The following SLC39A10 variants were observed in gnomAD, a reference collection of about 807,000 sequenced individuals.
The protein encoded by SLC39A10 is zinc transporter ZIP10.
SLC39A10 carries 13 observed loss-of-function variants against 65.1 expected under a neutral mutation model. That is an observed-to-expected ratio of 0.20 (90% CI 0.13 to 0.32). The LOEUF is 0.32. Ranked by LOEUF, SLC39A10 falls within the 10% of genes least tolerant of loss-of-function variation. The probability of loss-of-function intolerance (pLI) is 1.00; values close to 1 mark genes in which losing one functional copy is unlikely to be tolerated. For synonymous variants in SLC39A10, 321 were observed against 342.2 expected (o/e 0.94, Z 0.68); for missense variants, 831 against 1,018.4 (o/e 0.82, Z 2.50).
At chr2:195,625,082 T>C (rs1688439181) in intron 2 of SLC39A10, among the ~76,000 whole-genome samples, 1 of 147,978 alleles carries the variant, frequency 6.8e-6, no homozygotes, top group Non-Finnish European at 1.5e-5. Flanking sequence ...CCGGGCGTGG[T>C]GGCGGGCGCC....
At chr2:195,692,249 C>G (rs1345426804) in intron 3 of SLC39A10, among the ~76,000 whole-genome samples, 2 of 152,096 alleles carry the variant, frequency 1.3e-5, no homozygotes, top group Non-Finnish European at 2.9e-5. Flanking sequence ...TGGCTATGGC[C>G]TTATAGCATA....
intron 1 of SLC39A10, among the ~76,000 whole-genome samples, chr2:195,664,002 C>T (rs1024898804): frequency 2.0e-5 from 3 of 151,822 alleles, no homozygotes; most frequent in African/African-American, 7.3e-5. Flanking sequence ...ATGTATATAA[C>T]ATCTTATGAA....
intron 3 of SLC39A10, among the ~76,000 whole-genome samples, chr2:195,704,462 C>T (rs1474953648): frequency 6.6e-6 from 1 of 152,080 alleles, no homozygotes; most frequent in Non-Finnish European, 1.5e-5. Context: ...ATGATTGGAT[C>T]TAGAGAGCTG....
At chr2:195,615,639 C>T (rs1226649754) in intron 2 of SLC39A10, among the ~76,000 whole-genome samples, 1 of 152,242 alleles carries the variant, frequency 6.6e-6, no homozygotes, top group Middle Eastern at 3.4e-3. Flanking sequence ...CATTTATCTC[C>T]GTTTCCTCTT....
chr2:195,662,608 AAC>A (rs1399041178), intron 1 of SLC39A10, among the ~76,000 whole-genome samples: 2 of 152,204 alleles, frequency 1.3e-5, no homozygotes, highest in Non-Finnish European at 2.9e-5. Flanking sequence ...AATAAAAAGA[AAC>A]AATTTCAGAT....
intron 8 of SLC39A10, among the ~76,000 whole-genome samples, chr2:195,720,325 C>G (rs137931950): frequency 8.3e-4 from 127 of 152,290 alleles, no homozygotes; most frequent in African/African-American, 3.0e-3. Context: ...TCTCCACATG[C>G]AATACTACTT....
intron 9 of SLC39A10, among the ~76,000 whole-genome samples, chr2:195,733,212 C>G (rs1375346160): frequency 6.6e-6 from 1 of 152,158 alleles, no homozygotes; most frequent in African/African-American, 2.4e-5. Context: ...ACCCAAATCA[C>G]CAAGATACTG....
intron 2 of SLC39A10, among the ~76,000 whole-genome samples, chr2:195,621,594 C>A (rs536944631): frequency 6.6e-6 from 1 of 152,114 alleles, no homozygotes; most frequent in Admixed American, 6.5e-5. Flanking sequence ...CTCTATCATT[C>A]GACCTGATTC....
At chr2:195,721,781 A>G (rs1298269388) in intron 8 of SLC39A10, among the ~76,000 whole-genome samples, 1 of 152,096 alleles carries the variant, frequency 6.6e-6, no homozygotes, top group Non-Finnish European at 1.5e-5. Context: ...CCTCCATAAT[A>G]TACTAGAAAA....
chr2:195,656,571 C>G (rs1411545540), upstream of SLC39A10, among the ~76,000 whole-genome samples: 1 of 152,120 alleles, frequency 6.6e-6, no homozygotes, highest in Non-Finnish European at 1.5e-5. Context: ...GTTTGGAAGA[C>G]CCGCAGTAAG....
chr2:195,705,414 G>GT (rs1235081689), intron 3 of SLC39A10, among the ~76,000 whole-genome samples: 1 of 152,192 alleles, frequency 6.6e-6, no homozygotes, highest in Non-Finnish European at 1.5e-5. Context: ...GAGCTAATGA[G>GT]TATTGGCTAT....
At chr2:195,699,383 T>C (rs1691093111) in intron 3 of SLC39A10, among the ~76,000 whole-genome samples, 1 of 114,548 alleles carries the variant, frequency 8.7e-6, no homozygotes, top group South Asian at 2.7e-4. Context: ...GTTAAGTTTT[T>C]GGTTTGAGAT....
chr2:195,706,146 G>A (rs950932826), intron 3 of SLC39A10, among the ~76,000 whole-genome samples: 1 of 151,766 alleles, frequency 6.6e-6, no homozygotes, highest in Admixed American at 6.6e-5. Flanking sequence ...TTCCATTTGG[G>A]GCTATGTTAC....
chr2:195,707,541 C>T (rs936523744), intron 4 of SLC39A10, among the ~76,000 whole-genome samples: 1 of 150,600 alleles, frequency 6.6e-6, no homozygotes, highest in Non-Finnish European at 1.5e-5. Context: ...CTCTTCTGCA[C>T]TCTTGGTTGA....
At chr2:195,712,849 T>C (rs1448745166) in intron 5 of SLC39A10, among the ~76,000 whole-genome samples, 1 of 152,250 alleles carries the variant, frequency 6.6e-6, no homozygotes, top group African/African-American at 2.4e-5. Context: ...ATAAGACTAC[T>C]AAGAGTCACT....
At chr2:195,615,936 C>G (rs1335350870) in intron 2 of SLC39A10, among the ~76,000 whole-genome samples, 2 of 152,206 alleles carry the variant, frequency 1.3e-5, no homozygotes, top group Admixed American at 1.3e-4. Context: ...GATTGATAAA[C>G]TACCTAAAGG....
chr2:195,668,368 AT>A (rs1689716910), intron 1 of SLC39A10, among the ~76,000 whole-genome samples: 1 of 152,236 alleles, frequency 6.6e-6, no homozygotes. Context: ...TATTGAATAG[AT>A]TTTCACATTA....
intron 3 of SLC39A10, among the ~76,000 whole-genome samples, chr2:195,698,655 C>A (rs890077286): frequency 6.6e-6 from 1 of 151,158 alleles, no homozygotes; most frequent in Non-Finnish European, 1.5e-5. Context: ...AGCAATAAAT[C>A]CCATTTAGTC....
intron 3 of SLC39A10, among the ~76,000 whole-genome samples, chr2:195,703,101 C>A (rs1691254839): frequency 1.3e-5 from 2 of 152,266 alleles, no homozygotes; most frequent in South Asian, 4.1e-4. Context: ...CCAAAACTTA[C>A]TTGATTATCA....
Sources: gnomAD v4.1 joint callset for allele counts (sites outside exome capture counted in the v4.1 genomes callset) on GRCh38, gnomAD v4.1.1 for gene constraint, MANE v1.5 for transcripts, NCBI Gene and HGNC (gene_info 2026-07-23, HGNC 2026-07-21) for gene names.